The following ACOT7 variants were observed in gnomAD, a reference collection of about 807,000 sequenced individuals.
The protein encoded by ACOT7 is acyl-CoA thioesterase 7, also known as cytosolic acyl coenzyme A thioester hydrolase.
In ACOT7, 12 loss-of-function variants were observed where a neutral mutation model predicts 40.2. The ratio of observed to expected loss-of-function variants is 0.30; its 90% CI spans 0.19 to 0.48. The LOEUF is 0.48. Among genes scored for constraint, ACOT7 ranks in the 20% least tolerant of loss-of-function variants. The pLI is 0.99. For missense variants in ACOT7, 395 were observed against 530.8 expected (o/e 0.74, Z 2.51); for synonymous variants, 228 against 219.5 (o/e 1.04, Z -0.34).
chr1:6,330,542 G>A lies in ACOT7; in HGVS notation c.510+2935C>T, dbSNP rs1413570388. On this transcript the variant is annotated intron_variant, in intron 4 of 8. Coordinates refer to ENST00000361521, the MANE Select transcript of ACOT7 (RefSeq NM_007274.4). The surrounding 1 kb of genome is among the most constrained non-coding windows in gnomAD (Gnocchi z 4.6). ...ATGGTTTCAACAACTCCTCGACAAGGCCAAGTTGGTATTTATGTCTCATCA... is the reference window on the plus strand; with the variant it reads ...ATGGTTTCAACAACTCCTCGACAAGACCAAGTTGGTATTTATGTCTCATCA... 6.6e-6 allele frequency among the ~76,000 whole-genome samples: 1 copy of A among 152,160 alleles called. No homozygotes were observed. The highest frequency in any genetic ancestry group is 1.5e-5 in the Non-Finnish European group (1 of 68,034).
rs557316820 is a variant in ACOT7, at chr1:6,301,804, C to T, written c.713-6824G>A. Among the ~76,000 whole-genome samples, 72 of 152,220 alleles carry T rather than the reference C, an allele frequency of 4.7e-4. No individual in the cohort carries two copies. The highest frequency in any genetic ancestry group is 9.4e-4 in the African/African-American group (39 of 41,526). ...CCCAAAGCCAGGTGAGCTTGATGAC[C>T]GGCCAAAAAACCAAGCCCACACTCA... On this transcript the variant is annotated intron_variant, in intron 6 of 8. Transcript: ENST00000361521. This position sits in a 1 kb window ranked among gnomAD's most constrained non-coding sequence, Gnocchi z 4.1.
chr1:6,376,757 G>A (rs983388289), intron 1 of ACOT7, among the ~76,000 whole-genome samples: 11 of 150,986 alleles, frequency 7.3e-5, no homozygotes, highest in Admixed American at 2.0e-4. Context: ...TTAGCTGGGC[G>A]TGGTGGTGGG....
intron 6 of ACOT7, among the ~76,000 whole-genome samples, chr1:6,307,868 GCAGAGGGAACCACAACCAGA>G (rs1300379990): frequency 6.6e-6 from 1 of 150,790 alleles, no homozygotes; most frequent in Non-Finnish European, 1.5e-5. Flanking sequence ...CCACAAACAG[GCAGAGGGAACCACAACCAGA>G]CAGAGGGAAC....
At chr1:6,318,437 A>C in intron 6 of ACOT7, 55 bp downstream of exon 6, 1 of 1,566,280 alleles carries the variant, frequency 6.4e-7, no homozygotes. Context: ...GCTGCCAGAG[A>C]AGCAACAATG....
intron 6 of ACOT7, among the ~76,000 whole-genome samples, chr1:6,305,280 G>A (rs1208430084): frequency 3.5e-5 from 5 of 143,820 alleles, no homozygotes; most frequent in South Asian, 2.2e-4. Context: ...CGGACGGGGC[G>A]GCTGTCCGGG....
chr1:6,327,883 C>T (rs910528405), intron 4 of ACOT7, among the ~76,000 whole-genome samples: 2 of 152,134 alleles, frequency 1.3e-5, no homozygotes, highest in Non-Finnish European at 2.9e-5. Flanking sequence ...AAGTGATTCT[C>T]CTGCCTCAGC....
rs1323737959 is a variant in ACOT7, at chr1:6,318,657, C to G, written c.626-79G>C. 2.1e-6 allele frequency: 3 copies of G among 1,421,038 alleles called. No homozygotes were observed. In the African/African-American group the frequency reaches 4.2e-5, roughly 20 times the overall value. The allele number at this position is 1,421,038 out of a possible 1,614,324, so 88.0% of individuals were successfully genotyped here. A position where few individuals can be genotyped will look rare whatever the true frequency, so the allele number is the denominator to read the frequency against. Reference sequence around the variant, plus strand: ...GAATGGTCTGGCAATGCCGAAACCACCCTCAGGTCTACACAGTCAACGAAG... The same window carrying G: ...GAATGGTCTGGCAATGCCGAAACCAGCCTCAGGTCTACACAGTCAACGAAG... On this transcript the variant is annotated intron_variant, in intron 5 of 8. Coordinates refer to ENST00000361521, the MANE Select transcript of ACOT7 (RefSeq NM_007274.4).
At position 6,275,406 on chromosome 1, in the gene ACOT7, T is replaced by G. The variant is rs1639159573; in HGVS notation, c.1014+5696A>C. On this transcript the variant is annotated intron_variant, in intron 8 of 8. Coordinates refer to ENST00000361521, the MANE Select transcript of ACOT7 (RefSeq NM_007274.4). This position sits in a 1 kb window ranked among gnomAD's most constrained non-coding sequence, Gnocchi z 5.6. ...TGAGTTCTTGGAACTCCCCTGGCTATGCATGAGGCAGCTCTGAAAGGCAAG... is the reference window on the plus strand; with the variant it reads ...TGAGTTCTTGGAACTCCCCTGGCTAGGCATGAGGCAGCTCTGAAAGGCAAG... Among the ~76,000 whole-genome samples the G allele has an allele frequency of 6.6e-6, 1 of 152,138 alleles. No individual in the cohort carries two copies. Among genetic ancestry groups the G allele is most frequent in the East Asian group, 1.9e-4 (1 of 5,180 alleles).
chr1:6,286,218 A>G (rs1225685372), intron 7 of ACOT7, among the ~76,000 whole-genome samples: 1 of 152,192 alleles, frequency 6.6e-6, no homozygotes, highest in African/African-American at 2.4e-5. Context: ...GATGGGTGGG[A>G]CCAGCTTGAG....
intron 6 of ACOT7, among the ~76,000 whole-genome samples, chr1:6,314,946 C>T (rs771952249): frequency 8.5e-5 from 13 of 152,132 alleles, no homozygotes; most frequent in African/African-American, 1.2e-4. Context: ...ACCCTCCTCC[C>T]GCACGGGACA....
At position 6,356,000 on chromosome 1, in the gene ACOT7, G is replaced by A. The variant is rs923495037; in HGVS notation, c.144-6134C>T. On this transcript the variant is annotated intron_variant, in intron 1 of 8. Coordinates refer to ENST00000361521, the MANE Select transcript of ACOT7 (RefSeq NM_007274.4). The surrounding 1 kb of genome is among the most constrained non-coding windows in gnomAD (Gnocchi z 5.0). Reference sequence around the variant, plus strand: ...TGGAGCCTGAGTACTGGGTTGAATTGTGTCCCCCAAAAGATGTGTTTGAGA... The same window carrying A: ...TGGAGCCTGAGTACTGGGTTGAATTATGTCCCCCAAAAGATGTGTTTGAGA... Among the ~76,000 whole-genome samples, 5 of 152,326 alleles carry A rather than the reference G, an allele frequency of 3.3e-5. No individual in the cohort carries two copies. In the Middle Eastern group the frequency reaches 0.01, roughly 311 times the overall value.
rs896862832 is a variant in ACOT7 at position 6,288,324 on chromosome 1, G to A, written c.829+6540C>T. Among the ~76,000 whole-genome samples, 8 of 152,224 alleles carry A rather than the reference G, an allele frequency of 5.3e-5. No homozygotes were observed. Among genetic ancestry groups the A allele is most frequent in the Admixed American group, 1.3e-4 (2 of 15,284 alleles). On this transcript the variant is annotated intron_variant, in intron 7 of 8. Transcript: ENST00000361521. The surrounding 1 kb of genome is among the most constrained non-coding windows in gnomAD (Gnocchi z 4.3). ...TTCCCATTTCCCATGAGATCCAGTC[G>A]CACAGATGAAGCGGTCCTTCCTTCA... is the stretch of plus-strand genomic sequence containing the variant.
At chr1:6,346,095 C>T (rs79436746) in intron 2 of ACOT7, among the ~76,000 whole-genome samples, 4,752 of 152,214 alleles carry the variant, frequency 0.031, 146 homozygotes, top group African/African-American at 0.078. Context: ...GGGGCATGGC[C>T]GGACGCTGTG....
intron 1 of ACOT7, among the ~76,000 whole-genome samples, chr1:6,384,196 A>G (rs1013612646): frequency 6.6e-6 from 1 of 151,842 alleles, no homozygotes; most frequent in Non-Finnish European, 1.5e-5. Context: ...AAAATACAGG[A>G]AAGACCTGAC....
chr1:6,392,806 G>A (rs1405219741), intron 1 of ACOT7, among the ~76,000 whole-genome samples: 2 of 152,174 alleles, frequency 1.3e-5, no homozygotes, highest in African/African-American at 4.8e-5. Context: ...GGGGGCTTTG[G>A]TTAGCGCAGC....
At chr1:6,293,974 G>A (rs896693717) in intron 7 of ACOT7, among the ~76,000 whole-genome samples, 5 of 152,204 alleles carry the variant, frequency 3.3e-5, no homozygotes, top group African/African-American at 7.2e-5. Flanking sequence ...CTCAGGCTCT[G>A]GTGGGCAGGA....
At chr1:6,291,007 C>T (rs775145350) in intron 7 of ACOT7, among the ~76,000 whole-genome samples, 9 of 152,214 alleles carry the variant, frequency 5.9e-5, no homozygotes, top group Non-Finnish European at 1.2e-4. Flanking sequence ...GCAGGTCCCA[C>T]ATCCACAGAG....
intron 6 of ACOT7, among the ~76,000 whole-genome samples, chr1:6,302,404 T>C (rs1004908097): frequency 1.6e-4 from 25 of 152,048 alleles, no homozygotes; most frequent in African/African-American, 5.8e-4. Flanking sequence ...AACCAAGCGT[T>C]TGGCCTTGCG....
chr1:6,319,796 G>C (rs1410493322), intron 5 of ACOT7, among the ~76,000 whole-genome samples: 1 of 152,246 alleles, frequency 6.6e-6, no homozygotes, highest in African/African-American at 2.4e-5. Flanking sequence ...CCCGGCTCCT[G>C]GGTTGGGATC....
Sources: gnomAD v4.1 joint callset for allele counts (sites outside exome capture counted in the v4.1 genomes callset) on GRCh38, gnomAD v4.1.1 for gene constraint, Gnocchi (gnomAD v3.1) non-coding constraint, MANE v1.5 for transcripts, NCBI Gene and HGNC (gene_info 2026-07-23, HGNC 2026-07-21) for gene names.